The following DYNC1H1 variants were observed in gnomAD, a reference collection of about 807,000 sequenced individuals.
The protein encoded by DYNC1H1 is dynein cytoplasmic 1 heavy chain 1.
Under a neutral mutation model 527.1 loss-of-function variants are expected in DYNC1H1, and 51 were observed. The observed-to-expected ratio is 0.10, with a 90% CI of 0.08 to 0.12. DYNC1H1 has a LOEUF of 0.12. Ranked by LOEUF, DYNC1H1 falls within the 10% of genes least tolerant of loss-of-function variation. The probability of loss-of-function intolerance (pLI) is 1.00; values close to 1 mark genes in which losing one functional copy is unlikely to be tolerated. For synonymous variants in DYNC1H1, 2,189 were observed against 2,278.8 expected (o/e 0.96, Z 1.12); for missense variants, 2,771 against 5,971.8 (o/e 0.46, Z 17.66).
chr14:102,040,002 T>TAA (rs1433884046), intron 62 of DYNC1H1, among the ~76,000 whole-genome samples: 5 of 152,162 alleles, frequency 3.3e-5, no homozygotes, highest in African/African-American at 1.2e-4. Context: ...CACATCTGGC[T>TAA]AATTTTTTTT....
At position 102,042,155 on chromosome 14, in the gene DYNC1H1, G is replaced by C; in HGVS notation, c.12214+31G>C. ...GATGCTTGAGGGGCTTCATGGGCTG[G>C]AGCCCTGCAGGATTTGTGGTGGGCA... On this transcript the variant is annotated intron_variant, in intron 66 of 77. Transcript: ENST00000360184. This position sits in a 1 kb window ranked among gnomAD's most constrained non-coding sequence, Gnocchi z 5.7. The C allele has an allele frequency of 6.2e-7, 1 of 1,613,506 alleles. No individual in the cohort carries two copies. Among genetic ancestry groups the C allele is most frequent in the Non-Finnish European group, 8.5e-7 (1 of 1,179,506 alleles).
In DYNC1H1 at chr14:102,005,516, ACAG is replaced by A. The variant is rs2048187692; in HGVS notation, c.5433+284_5433+286del. Among the ~76,000 whole-genome samples, 2 of 152,350 alleles carry A rather than the reference ACAG, an allele frequency of 1.3e-5. No individual in the cohort carries two copies. The highest frequency in any genetic ancestry group is 6.5e-5 in the Admixed American group (1 of 15,300). ...CTGTCATCTCCCCAGAGAGGTGGCC[ACAG>A]CAGTGCTAAGCTGCACGGCACGGGC... On this transcript the variant is annotated intron_variant, in intron 26 of 77. Transcript: ENST00000360184. The surrounding 1 kb of genome is among the most constrained non-coding windows in gnomAD (Gnocchi z 4.0).
At chr14:102,019,828 C>T (rs756315417) in intron 41 of DYNC1H1, 65 bp from the exon 42 acceptor site, 2 of 1,602,980 alleles carry the variant, frequency 1.2e-6, no homozygotes, top group Non-Finnish European at 1.7e-6. Flanking sequence ...CACATTTTAC[C>T]TTTTGACCAC....
Position 101,983,754 on chromosome 14 carries a change from T to C in DYNC1H1, c.1461+145T>C. 1 of 932,202 alleles carries C rather than the reference T, an allele frequency of 1.1e-6. No homozygotes were observed. Among genetic ancestry groups the C allele is most frequent in the East Asian group, 2.7e-5 (1 of 37,710 alleles). The allele number at this position is 932,202 out of a possible 1,614,324, so 57.7% of individuals were successfully genotyped here. ...GTGCAATGGCATGATCTTGGCTCAC[T>C]GCAACCTCCGCCTTCTGGGTTCAAG... On this transcript the variant is annotated intron_variant, in intron 7 of 77. Coordinates refer to ENST00000360184, the MANE Select transcript of DYNC1H1 (RefSeq NM_001376.5). The surrounding 1 kb of genome is among the most constrained non-coding windows in gnomAD (Gnocchi z 5.3).
At chr14:102,045,837 C>T in intron 72 of DYNC1H1, among the ~76,000 whole-genome samples, 1 of 142,960 alleles carries the variant, frequency 7.0e-6, no homozygotes, top group East Asian at 1.9e-4. Flanking sequence ...GCTCCCAAAC[C>T]AGCAGCAGCA....
rs748519888 is a variant in DYNC1H1, at chr14:102,012,335, C to T, written c.6879C>T (p.Gly2293=). The T allele has an allele frequency of 6.8e-6, 11 of 1,614,066 alleles. No individual in the cohort carries two copies. The highest frequency in any genetic ancestry group is 2.2e-5 in the East Asian group (1 of 44,902). Reference sequence around the variant, plus strand: ...CCAGGATCATCGACAGCGTGAGAGGCGAGCTGCAGAAGCGCCAGTGGATCG... The same window carrying T: ...CCAGGATCATCGACAGCGTGAGAGGTGAGCTGCAGAAGCGCCAGTGGATCG... ...VLRKIIDSVR[G]ELQKRQWIVF... Residue 2293 remains glycine, a synonymous_variant, in exon 34 of 78, where the codon GGC becomes GGT. Coordinates refer to ENST00000360184, the MANE Select transcript of DYNC1H1 (RefSeq NM_001376.5). This position sits in a 1 kb window ranked among gnomAD's most constrained non-coding sequence, Gnocchi z 4.9.
chr14:101,994,866 G>C lies in DYNC1H1; in HGVS notation c.3333+17G>C. The C allele has an allele frequency of 6.2e-7, 1 of 1,614,140 alleles. No individual in the cohort carries two copies. The highest frequency in any genetic ancestry group is 8.5e-7 in the Non-Finnish European group (1 of 1,180,032). On this transcript the variant is annotated intron_variant, in intron 13 of 77. Transcript: ENST00000360184. ...TATGGCAAGGTGAGCCCTGCTGTCT[G>C]GTTGAAAGGTGTCACGGGTAGTGTA...
Position 102,010,191 on chromosome 14 carries a change from T to C in DYNC1H1, c.6222-85T>C, listed in dbSNP as rs966484518. The C allele has an allele frequency of 2.0e-5, 32 of 1,612,146 alleles. 1 individual carries two copies. In the Middle Eastern group the frequency reaches 8.2e-4, roughly 41 times the overall value. On this transcript the variant is annotated intron_variant, in intron 30 of 77. Transcript: ENST00000360184. This position sits in a 1 kb window ranked among gnomAD's most constrained non-coding sequence, Gnocchi z 6.0. ...TAATGATGGTACGTCTTTCAAAATATCCATCTCTGGTTTCTTGACACTTGA... is the reference window on the plus strand; with the variant it reads ...TAATGATGGTACGTCTTTCAAAATACCCATCTCTGGTTTCTTGACACTTGA...
rs199792795 is a variant in DYNC1H1, at chr14:102,044,294, G to A, written c.12705G>A (p.Pro4235=). ...CCCAGGGCAGGCAGAACATCTCACC[G>A]GATAAGATCCCGTGGTCTGCACTAA... is the stretch of plus-strand genomic sequence containing the variant. The part of the protein sequence containing the change: ...DTAKGRQNIS[P]DKIPWSALKT... The change falls in exon 71 of 78, where the codon CCG becomes CCA. Residue 4235 remains proline (P), a synonymous_variant. Transcript: ENST00000360184. This position sits in a 1 kb window ranked among gnomAD's most constrained non-coding sequence, Gnocchi z 7.1. The A allele has an allele frequency of 2.1e-5, 34 of 1,614,100 alleles. No homozygotes were observed. Among genetic ancestry groups the A allele is most frequent in the Middle Eastern group, 1.6e-4 (1 of 6,062 alleles).
chr14:101,978,263 A>G (rs1199071548), intron 2 of DYNC1H1, among the ~76,000 whole-genome samples: 3 of 152,018 alleles, frequency 2.0e-5, no homozygotes, highest in Non-Finnish European at 4.4e-5. Flanking sequence ...TTTTTGAATA[A>G]CTTTTTGAAG....
intron 5 of DYNC1H1, among the ~76,000 whole-genome samples, chr14:101,980,814 C>T (rs2047854835): frequency 6.6e-6 from 1 of 152,216 alleles, no homozygotes; most frequent in Admixed American, 6.5e-5. Context: ...CTTCTTGTTT[C>T]CCCACTGCTG....
In DYNC1H1 at chr14:102,036,213, A is replaced by ATGAT. The variant is rs947340609; in HGVS notation, c.10755-273_10755-270dup. Reference sequence around the variant, plus strand: ...TCTAACAGTGCAGGATGCTGAGAGGATGATTGTCCCAGAAGGAAAAAGATT... The same window carrying ATGAT: ...TCTAACAGTGCAGGATGCTGAGAGGATGATTGATTGTCCCAGAAGGAAAAAGATT... On this transcript the variant is annotated intron_variant, in intron 56 of 77. Transcript: ENST00000360184. The surrounding 1 kb of genome is among the most constrained non-coding windows in gnomAD (Gnocchi z 5.6). 5 of 416,582 alleles carry ATGAT rather than the reference A, an allele frequency of 1.2e-5. No individual in the cohort carries two copies. Among genetic ancestry groups the ATGAT allele is most frequent in the African/African-American group, 2.0e-5 (1 of 49,262 alleles). The allele number at this position is 416,582 out of a possible 1,614,324, so 25.8% of individuals were successfully genotyped here.
intron 9 of DYNC1H1, 114 bp from the exon 10 acceptor site, chr14:101,988,586 GCTT>G: frequency 7.6e-7 from 1 of 1,316,354 alleles, no homozygotes; most frequent in East Asian, 2.4e-5. Context: ...AGATATGAAG[GCTT>G]CTAGTCCGGA....
rs797045536 is a variant in DYNC1H1 at position 102,027,278 on chromosome 14, A to G, written c.8876A>G (p.Tyr2959Cys). The G allele has an allele frequency of 1.2e-6, 2 of 1,613,944 alleles. No homozygotes were observed. Among genetic ancestry groups the G allele is most frequent in the African/African-American group, 1.3e-5 (1 of 74,888 alleles). Residue 2959 changes from tyrosine to cysteine, a missense_variant, in exon 45 of 78, where the codon TAC becomes TGC. Physicochemically the swap from Tyr to Cys is radical, Grantham distance 194 (BLOSUM62 -2). Coordinates refer to ENST00000360184, the MANE Select transcript of DYNC1H1 (RefSeq NM_001376.5). This position sits in a 1 kb window ranked among gnomAD's most constrained non-coding sequence, Gnocchi z 7.7. ...FVAWMNGLSV[Y>C]QIKVHRKYTG... Reference sequence around the variant, plus strand: ...GCCTGGATGAACGGTTTGAGTGTGTACCAGATTAAGGTGCGTCTGGTCGGT... The same window carrying G: ...GCCTGGATGAACGGTTTGAGTGTGTGCCAGATTAAGGTGCGTCTGGTCGGT...
At chr14:102,040,129 G>A (rs2048628432) in intron 62 of DYNC1H1, 107 bp from the exon 63 acceptor site, 1 of 1,459,038 alleles carries the variant, frequency 6.9e-7, no homozygotes, top group Non-Finnish European at 9.5e-7. Flanking sequence ...ATAGGCCTGA[G>A]CCACTGTGCC....
Position 102,008,333 on chromosome 14 carries a change from C to T in DYNC1H1, c.5973C>T (p.Asp1991=), listed in dbSNP as rs780991234. The T allele has an allele frequency of 2.5e-6, 4 of 1,614,156 alleles. No individual in the cohort carries two copies. The highest frequency in any genetic ancestry group is 2.5e-6 in the Non-Finnish European group (3 of 1,180,020). ...GTGAACATTCCAACCCCAACTACGA[C>T]AAGAGTAAGACACCTCTTCTTCAAA... ...ALREHSNPNY[D]KTSAPITCEL... The change falls in exon 29 of 78, where the codon GAC becomes GAT. Residue 1991 remains aspartate (D), a synonymous_variant. Transcript: ENST00000360184.
intron 11 of DYNC1H1, among the ~76,000 whole-genome samples, chr14:101,993,829 A>C (rs576367978): frequency 6.6e-6 from 1 of 152,200 alleles, no homozygotes; most frequent in African/African-American, 2.4e-5. Context: ...CTCTCCTCCC[A>C]TAGAGTGTAA....
intron 27 of DYNC1H1, among the ~76,000 whole-genome samples, chr14:102,006,802 G>A (rs1223449346): frequency 6.6e-6 from 1 of 151,972 alleles, no homozygotes; most frequent in South Asian, 2.1e-4. Context: ...GTTTCACCAT[G>A]TTAGCCAGGC....
chr14:102,011,677 G>C lies in DYNC1H1; in HGVS notation c.6619-198G>C. 1.7e-6 allele frequency: 1 copy of C among 602,162 alleles called. No homozygotes were observed. The allele number at this position is 602,162 out of a possible 1,614,324, so 37.3% of individuals were successfully genotyped here. A position where few individuals can be genotyped will look rare whatever the true frequency, so the allele number is the denominator to read the frequency against. ...TGAGGAAGGAGAATCACTTGAACCT[G>C]GGAGGTGGAGCTTGCGGTGAGCTGA... is the stretch of plus-strand genomic sequence containing the variant. On this transcript the variant is annotated intron_variant, in intron 32 of 77. Transcript: ENST00000360184. The surrounding 1 kb of genome is among the most constrained non-coding windows in gnomAD (Gnocchi z 5.3).
Sources: gnomAD v4.1 joint callset for allele counts (sites outside exome capture counted in the v4.1 genomes callset) on GRCh38, gnomAD v4.1.1 for gene constraint, Gnocchi (gnomAD v3.1) non-coding constraint, MANE v1.5 for transcripts, NCBI Gene and HGNC (gene_info 2026-07-23, HGNC 2026-07-21) for gene names.